Variants in CADM2 observed in about 807,000 individuals in gnomAD.
CADM2 encodes immunoglobulin superfamily member 4D.
CADM2 carries 12 observed loss-of-function variants against 49.8 expected under a neutral mutation model. That is an observed-to-expected ratio of 0.24 (90% CI 0.15 to 0.39). The LOEUF (loss-of-function observed/expected upper bound fraction) is 0.39. Ranked by LOEUF, CADM2 falls within the 10% of genes least tolerant of loss-of-function variation. The pLI is 1.00. For synonymous variants in CADM2, 214 were observed against 175.4 expected (o/e 1.22, Z -1.74); for missense variants, 378 against 492.3 (o/e 0.77, Z 2.20).
intron 8 of CADM2, among the ~76,000 whole-genome samples, chr3:85,983,579 A>C (rs2108677367): frequency 6.6e-6 from 1 of 151,896 alleles, no homozygotes; most frequent in African/African-American, 2.4e-5. Context: ...AGTTCGTTTT[A>C]GTAAAACAAA....
At chr3:85,890,287 A>G (rs1247059148) in intron 5 of CADM2, among the ~76,000 whole-genome samples, 1 of 152,020 alleles carries the variant, frequency 6.6e-6, no homozygotes, top group Non-Finnish European at 1.5e-5. Context: ...TGTATTTTAC[A>G]TGAGAAAGAG....
At chr3:85,235,115 G>A (rs1244939768) in intron 1 of CADM2, among the ~76,000 whole-genome samples, 1 of 151,912 alleles carries the variant, frequency 6.6e-6, no homozygotes, top group Admixed American at 6.6e-5. Flanking sequence ...AATCTGTTAA[G>A]GGAGATGACA....
At chr3:85,760,213 G>C (rs886630842) in intron 2 of CADM2, among the ~76,000 whole-genome samples, 4 of 152,042 alleles carry the variant, frequency 2.6e-5, no homozygotes, top group Admixed American at 6.6e-5. Context: ...TTGGGAAAAT[G>C]TTCAAATCAA....
At chr3:85,181,411 G>A (rs1458871553) in intron 1 of CADM2, among the ~76,000 whole-genome samples, 1 of 151,908 alleles carries the variant, frequency 6.6e-6, no homozygotes, top group Non-Finnish European at 1.5e-5. Flanking sequence ...TCATTGAGAT[G>A]AAAAAAGTAA....
At chr3:85,520,939 G>GT (rs1446188747) in intron 1 of CADM2, among the ~76,000 whole-genome samples, 1 of 152,008 alleles carries the variant, frequency 6.6e-6, no homozygotes, top group Non-Finnish European at 1.5e-5. Flanking sequence ...AGTATGGCCA[G>GT]TTTCCAGTGA....
At chr3:85,188,814 G>C (rs1352515341) in intron 1 of CADM2, among the ~76,000 whole-genome samples, 1 of 151,840 alleles carries the variant, frequency 6.6e-6, no homozygotes, top group African/African-American at 2.4e-5. Flanking sequence ...GGCGGATCAC[G>C]AGGTCAGGAG....
intron 1 of CADM2, among the ~76,000 whole-genome samples, chr3:84,999,242 C>T (rs1411370158): frequency 6.6e-6 from 1 of 152,080 alleles, no homozygotes; most frequent in Non-Finnish European, 1.5e-5. Flanking sequence ...ACTGAACCTC[C>T]TTGGGAAAAT....
intron 3 of CADM2, among the ~76,000 whole-genome samples, chr3:85,834,492 C>A (rs2108241276): frequency 6.6e-6 from 1 of 151,734 alleles, no homozygotes; most frequent in Non-Finnish European, 1.5e-5. Flanking sequence ...TTCCTAATCA[C>A]ATTTCCTATG....
At chr3:86,023,686 A>G (rs1361201880) in intron 8 of CADM2, among the ~76,000 whole-genome samples, 1 of 152,068 alleles carries the variant, frequency 6.6e-6, no homozygotes, top group Non-Finnish European at 1.5e-5. Flanking sequence ...TGGGAGAAGG[A>G]TACGTCTTTG....
In CADM2 at chr3:85,343,167, G is replaced by A. The variant is rs561054163; in HGVS notation, c.62-383355G>A. Among the ~76,000 whole-genome samples, 7 of 152,252 alleles carry A rather than the reference G, an allele frequency of 4.6e-5. No homozygotes were observed. In the South Asian group the frequency reaches 1.5e-3, roughly 32 times the overall value. On this transcript the variant is annotated intron_variant, in intron 1 of 9. Coordinates refer to ENST00000383699, the MANE Select transcript of CADM2 (RefSeq NM_001167675.2). ...GCTGTTACACATTGCACGATGTACA[G>A]CACAGCCTCCCACGAGAATTACTTA...
chr3:85,398,625 G>A (rs1468013207), intron 1 of CADM2, among the ~76,000 whole-genome samples: 1 of 152,174 alleles, frequency 6.6e-6, no homozygotes, highest in Non-Finnish European at 1.5e-5. Flanking sequence ...CCCACCAACA[G>A]TGTAAAAGTG....
intron 1 of CADM2, among the ~76,000 whole-genome samples, chr3:85,144,314 T>G (rs775294941): frequency 2.6e-5 from 4 of 151,468 alleles, no homozygotes; most frequent in African/African-American, 7.3e-5. Context: ...ATAAACATCA[T>G]AAGAACAAGA....
intron 1 of CADM2, among the ~76,000 whole-genome samples, chr3:85,469,101 A>C (rs2038653410): frequency 6.6e-6 from 1 of 152,208 alleles, no homozygotes; most frequent in Non-Finnish European, 1.5e-5. Context: ...GTGCAAATGC[A>C]AAGTGTCAGA....
Position 85,969,881 on chromosome 3 carries a change from A to T in CADM2, c.970+8234A>T, listed in dbSNP as rs1725900847. Reference sequence around the variant, plus strand: ...AACTTTAGTGAAGCAATACATACACATATACACATATATACACATACATAC... The same window carrying T: ...AACTTTAGTGAAGCAATACATACACTTATACACATATATACACATACATAC... On this transcript the variant is annotated intron_variant, in intron 8 of 9. Transcript: ENST00000383699. Among the ~76,000 whole-genome samples, 5 of 150,962 alleles carry T rather than the reference A, an allele frequency of 3.3e-5. No homozygotes were observed. The South Asian group carries it at 1.0e-3, about 31-fold the overall frequency.
At chr3:85,454,311 A>G (rs369975984) in intron 1 of CADM2, among the ~76,000 whole-genome samples, 2 of 152,226 alleles carry the variant, frequency 1.3e-5, no homozygotes, top group South Asian at 2.1e-4. Context: ...AGCCTGGGCA[A>G]CAGAGTGAGA....
intron 1 of CADM2, among the ~76,000 whole-genome samples, chr3:85,260,648 A>G (rs993244695): frequency 3.3e-5 from 5 of 152,290 alleles, no homozygotes; most frequent in East Asian, 1.9e-4. Context: ...AGACACTGCT[A>G]TGGGCTGCAC....
At chr3:85,576,619 C>A (rs2062640494) in intron 1 of CADM2, among the ~76,000 whole-genome samples, 1 of 152,090 alleles carries the variant, frequency 6.6e-6, no homozygotes, top group Non-Finnish European at 1.5e-5. Context: ...TTTATAAAAT[C>A]ATAGCGATAG....
At chr3:85,414,514 CCTCT>C (rs893921231) in intron 1 of CADM2, among the ~76,000 whole-genome samples, 2 of 151,942 alleles carry the variant, frequency 1.3e-5, no homozygotes, top group African/African-American at 4.8e-5. Flanking sequence ...GGTTTCCTTT[CCTCT>C]CTCTCTCTTT....
chr3:85,908,191 T>C (rs572819109), intron 5 of CADM2, among the ~76,000 whole-genome samples: 9 of 149,282 alleles, frequency 6.0e-5, no homozygotes, highest in African/African-American at 2.2e-4. Flanking sequence ...TCCGGAAATA[T>C]GATATTTTGT....
Sources: gnomAD v4.1 joint callset for allele counts (sites outside exome capture counted in the v4.1 genomes callset) on GRCh38, gnomAD v4.1.1 for gene constraint, MANE v1.5 for transcripts, NCBI Gene and HGNC (gene_info 2026-07-23, HGNC 2026-07-21) for gene names.